The following COL10A1 variants were observed in gnomAD, a reference collection of about 807,000 sequenced individuals.
The protein encoded by COL10A1 is collagen type X alpha 1 chain.
Under a neutral mutation model 18.2 loss-of-function variants are expected in COL10A1, and 10 were observed. That is an observed-to-expected ratio of 0.55 (90% CI 0.34 to 0.93). COL10A1 has a LOEUF of 0.93. Among genes scored for constraint, COL10A1 ranks in the 40% least tolerant of loss-of-function variants. The probability of loss-of-function intolerance (pLI) is 0.02; values close to 1 mark genes in which losing one functional copy is unlikely to be tolerated. For missense variants in COL10A1, 897 were observed against 853.5 expected (o/e 1.05, Z -0.64); for synonymous variants, 330 against 316.6 (o/e 1.04, Z -0.45).
chr6:116,193,961 G>A, the COL10A1 span, among the ~76,000 whole-genome samples: 1 of 151,964 alleles, frequency 6.6e-6, no homozygotes, highest in Non-Finnish European at 1.5e-5. Context: ...CTACTAGGTT[G>A]GCTGAGGTGG....
At chr6:116,152,715 G>GCCATACTTCTTGGTTAGAATGTT (rs1780077374) in intron 1 of COL10A1, among the ~76,000 whole-genome samples, 1 of 151,982 alleles carries the variant, frequency 6.6e-6, no homozygotes, top group Non-Finnish European at 1.5e-5. Context: ...TCTTTTTACA[G>GCCATACTTCTTGGTTAGAATGTT]CCATACTTCT....
chr6:116,178,104 T>C, the COL10A1 span, among the ~76,000 whole-genome samples: 12,097 of 100,424 alleles, frequency 0.12, 530 homozygotes, highest in Middle Eastern at 0.19. Context: ...CGCGCGCGCG[T>C]GCGTGCGTGT....
At chr6:116,132,964 T>A (rs1779506076) in intron 1 of COL10A1, among the ~76,000 whole-genome samples, 1 of 152,176 alleles carries the variant, frequency 6.6e-6, no homozygotes, top group South Asian at 2.1e-4. Flanking sequence ...GTTAGATACC[T>A]GCTGAGAGTT....
the COL10A1 span, among the ~76,000 whole-genome samples, chr6:116,193,202 C>T: frequency 6.6e-6 from 1 of 151,994 alleles, no homozygotes; most frequent in African/African-American, 2.4e-5. Flanking sequence ...ACTCTTAGTT[C>T]TGCCAGTTTT....
chr6:116,198,385 C>T, the COL10A1 span, among the ~76,000 whole-genome samples: 1 of 151,992 alleles, frequency 6.6e-6, no homozygotes, highest in East Asian at 1.9e-4. Context: ...CCCTGCTTGA[C>T]TCAAGCAGCT....
intron 1 of COL10A1, among the ~76,000 whole-genome samples, chr6:116,155,293 A>C (rs1331352131): frequency 6.6e-6 from 1 of 152,136 alleles, no homozygotes; most frequent in Non-Finnish European, 1.5e-5. Flanking sequence ...ATCTGGGATA[A>C]TCTGAGAAAA....
At chr6:116,150,550 G>T (rs1780014106) in intron 1 of COL10A1, among the ~76,000 whole-genome samples, 1 of 152,142 alleles carries the variant, frequency 6.6e-6, no homozygotes, top group Non-Finnish European at 1.5e-5. Context: ...CTCCCAAAAC[G>T]CTGGGATTAC....
At chr6:116,142,353 TTAA>T (rs1779789063) in intron 1 of COL10A1, among the ~76,000 whole-genome samples, 2 of 152,134 alleles carry the variant, frequency 1.3e-5, no homozygotes, top group African/African-American at 4.8e-5. Flanking sequence ...TAAAAAAAAA[TTAA>T]TAACATAAAA....
Position 116,119,207 on chromosome 6 carries a change from C to A in COL10A1, c.*866G>T, listed in dbSNP as rs1779031707. 6.6e-6 allele frequency: 1 copy of A among 152,620 alleles called. No homozygotes were observed. The highest frequency in any genetic ancestry group is 6.5e-5 in the Admixed American group (1 of 15,276). The allele number at this position is 152,620 out of a possible 1,614,324, so 9.5% of individuals were successfully genotyped here. ...AAACCCTCAGTGTAAATTATAACTT[C>A]ACTTGAATGGGAGGCACAAGGTACA... On this transcript the variant is annotated 3_prime_UTR_variant, in exon 3 of 3. Coordinates refer to ENST00000651968, the MANE Select transcript of COL10A1 (RefSeq NM_000493.4).
chr6:116,152,850 A>G (rs946363108), intron 1 of COL10A1, among the ~76,000 whole-genome samples: 1 of 152,168 alleles, frequency 6.6e-6, no homozygotes, highest in African/African-American at 2.4e-5. Flanking sequence ...TTTATTTTCT[A>G]TAGTTATATT....
the COL10A1 span, among the ~76,000 whole-genome samples, chr6:116,202,875 T>C: frequency 5.3e-5 from 8 of 151,948 alleles, no homozygotes; most frequent in African/African-American, 1.9e-4. Context: ...AACTAGAAAA[T>C]CTTAAGGAGT....
the COL10A1 span, among the ~76,000 whole-genome samples, chr6:116,186,037 T>C: frequency 0.015 from 2,308 of 152,220 alleles, 14 homozygotes; most frequent in Non-Finnish European, 0.025. Flanking sequence ...TAGAGCTTCT[T>C]ATAGTGGTTC....
chr6:116,145,014 T>C (rs1167580667), intron 1 of COL10A1, among the ~76,000 whole-genome samples: 2 of 152,194 alleles, frequency 1.3e-5, no homozygotes, highest in African/African-American at 4.8e-5. Context: ...TATGTACCAA[T>C]TATAGATTTG....
chr6:116,181,582 A>G, the COL10A1 span, among the ~76,000 whole-genome samples: 3 of 152,162 alleles, frequency 2.0e-5, no homozygotes, highest in Non-Finnish European at 4.4e-5. Context: ...GAATAAGACA[A>G]GGAGGCTTAT....
At chr6:116,150,950 A>G (rs892654263) in intron 1 of COL10A1, among the ~76,000 whole-genome samples, 4 of 152,238 alleles carry the variant, frequency 2.6e-5, no homozygotes, top group East Asian at 1.9e-4. Flanking sequence ...TAAGTAAAAC[A>G]TGGCAGATTG....
At chr6:116,169,077 C>A in the COL10A1 span, among the ~76,000 whole-genome samples, 7 of 152,156 alleles carry the variant, frequency 4.6e-5, no homozygotes, top group Admixed American at 6.5e-5. Context: ...TTGAAGATTG[C>A]GACTTCTTAG....
chr6:116,199,734 TG>T, the COL10A1 span, among the ~76,000 whole-genome samples: 1 of 152,006 alleles, frequency 6.6e-6, no homozygotes, highest in Non-Finnish European at 1.5e-5. Context: ...GAGCTCCCAA[TG>T]GCTAATGCTG....
rs1003451927 is a variant in COL10A1, at chr6:116,135,856, TATATATATATATATATAC to T, written c.-15-10367_-15-10350del. Among the ~76,000 whole-genome samples, 18 of 119,354 alleles carry T rather than the reference TATATATATATATATATAC, an allele frequency of 1.5e-4. 1 individual carries two copies. Among genetic ancestry groups the T allele is most frequent in the African/African-American group, 4.4e-4 (13 of 29,350 alleles). The allele number at this position is 119,354 out of a possible 152,430, so 78.3% of individuals were successfully genotyped here. A position where few individuals can be genotyped will look rare whatever the true frequency, so the allele number is the denominator to read the frequency against. On this transcript the variant is annotated intron_variant, in intron 1 of 1. Coordinates refer to the COL10A1 transcript ENST00000418500. ...TCAGATATATATATATATATATATA[TATATATATATATATATAC>T]ACACATACACACACATTGCTAAATG...
chr6:116,126,837 C>G (rs1232399199), upstream of COL10A1, among the ~76,000 whole-genome samples: 2 of 152,030 alleles, frequency 1.3e-5, no homozygotes, highest in Non-Finnish European at 2.9e-5. Context: ...AATTTTCAAA[C>G]TTTGCTTTCA....
Sources: gnomAD v4.1 joint callset for allele counts (sites outside exome capture counted in the v4.1 genomes callset) on GRCh38, gnomAD v4.1.1 for gene constraint, MANE v1.5 for transcripts, NCBI Gene and HGNC (gene_info 2026-07-23, HGNC 2026-07-21) for gene names.